Variants in FGFR2 observed in about 807,000 individuals in gnomAD.
The protein encoded by FGFR2 is fibroblast growth factor receptor 2.
Under a neutral mutation model 95.9 loss-of-function variants are expected in FGFR2, and 19 were observed. The observed-to-expected ratio is 0.20, with a 90% CI of 0.14 to 0.29. FGFR2 has a LOEUF of 0.29. Ranked by LOEUF, FGFR2 falls within the 10% of genes least tolerant of loss-of-function variation. FGFR2 has a pLI of 1.00. For synonymous variants in FGFR2, 392 were observed against 393.3 expected (o/e 1.00, Z 0.04); for missense variants, 707 against 1,056.9 (o/e 0.67, Z 4.59).
At chr10:121,535,596 C>G (rs549969609) in intron 6 of FGFR2, among the ~76,000 whole-genome samples, 1 of 152,280 alleles carries the variant, frequency 6.6e-6, no homozygotes, top group African/African-American at 2.4e-5. Flanking sequence ...CAATGATGAA[C>G]GATGGTGAAG....
chr10:121,579,377 T>C (rs1751196610), intron 2 of FGFR2, among the ~76,000 whole-genome samples: 1 of 152,170 alleles, frequency 6.6e-6, no homozygotes, highest in South Asian at 2.1e-4. Context: ...GATTGCTTTT[T>C]CCAACCATGT....
At chr10:121,487,563 A>G in intron 14 of FGFR2, 139 bp from the exon 15 acceptor site, 1 of 730,610 alleles carries the variant, frequency 1.4e-6, no homozygotes, top group Non-Finnish European at 2.4e-6. Flanking sequence ...AATCAGTCCC[A>G]ATGAGGACCA....
At chr10:121,495,340 C>T (rs979175527) in intron 13 of FGFR2, among the ~76,000 whole-genome samples, 2 of 152,030 alleles carry the variant, frequency 1.3e-5, no homozygotes, top group African/African-American at 4.8e-5. Flanking sequence ...AAAGGCAAAA[C>T]CCCGTCTCTA....
intron 2 of FGFR2, among the ~76,000 whole-genome samples, 155 bp downstream of exon 2, chr10:121,593,554 T>A (rs1417238064): frequency 6.6e-6 from 1 of 152,188 alleles, no homozygotes; most frequent in Non-Finnish European, 1.5e-5. Context: ...CCTTCTCTCA[T>A]CAGCTCTGCC....
At chr10:121,506,726 C>A (rs1863739) in intron 9 of FGFR2, among the ~76,000 whole-genome samples, 148,540 of 152,256 alleles carry the variant, frequency 0.98, 72,552 homozygotes, top group Middle Eastern at 1. Flanking sequence ...GGCACTTAAA[C>A]GTTTCTGGAA....
chr10:121,496,259 G>T (rs1321450058), intron 13 of FGFR2, among the ~76,000 whole-genome samples: 4 of 151,868 alleles, frequency 2.6e-5, no homozygotes, highest in Non-Finnish European at 4.4e-5. Flanking sequence ...CCCACCTGGA[G>T]AGCTGAATTC....
At chr10:121,555,109 C>T (rs1346903151) in intron 4 of FGFR2, among the ~76,000 whole-genome samples, 1 of 152,160 alleles carries the variant, frequency 6.6e-6, no homozygotes, top group East Asian at 1.9e-4. Context: ...CGCGGTGGCT[C>T]ACGCCTGTAA....
At chr10:121,597,895 C>G in intron 1 of FGFR2, 67 bp downstream of exon 1, 2 of 388,846 alleles carry the variant, frequency 5.1e-6, no homozygotes, top group Non-Finnish European at 9.1e-6. Context: ...ACCCGGCGTC[C>G]CGGGCTCCCG....
intron 2 of FGFR2, among the ~76,000 whole-genome samples, chr10:121,573,266 T>C (rs1859137788): frequency 6.6e-6 from 1 of 152,118 alleles, no homozygotes; most frequent in Non-Finnish European, 1.5e-5. Context: ...ATTTAAACTG[T>C]TAAGGAAGAA....
At chr10:121,498,354 C>T in intron 12 of FGFR2, 141 bp downstream of exon 12, 2 of 703,192 alleles carry the variant, frequency 2.8e-6, no homozygotes, top group East Asian at 5.4e-5. Context: ...CTAGGAACAT[C>T]TTCCAATGGG....
At chr10:121,488,358 C>T (rs1162049462) in intron 13 of FGFR2, among the ~76,000 whole-genome samples, 4 of 151,874 alleles carry the variant, frequency 2.6e-5, no homozygotes, top group East Asian at 1.9e-4. Context: ...CTGGCCAACA[C>T]GGCAAAATCC....
In FGFR2 at chr10:121,593,892, G is replaced by C. The variant is rs41287990; in HGVS notation, c.-75C>G. 2.2e-6 allele frequency: 3 copies of C among 1,373,620 alleles called. No individual in the cohort carries two copies. Among genetic ancestry groups the C allele is most frequent in the South Asian group, 1.2e-5 (1 of 86,002 alleles). 85.1% of individuals were successfully genotyped at this position (1,373,620 alleles called of 1,614,324 possible). On this transcript the variant is annotated 5_prime_UTR_variant, in exon 2 of 18. Coordinates refer to ENST00000358487, the MANE Select transcript of FGFR2 (RefSeq NM_000141.5). Reference sequence around the variant, plus strand: ...AATCCCATCTGCACACTTCCTCTACGGGCATGGACTACGCGCAATGCCTTC... The same window carrying C: ...AATCCCATCTGCACACTTCCTCTACCGGCATGGACTACGCGCAATGCCTTC...
At chr10:121,550,713 G>C (rs1855266764) in intron 5 of FGFR2, among the ~76,000 whole-genome samples, 1 of 152,056 alleles carries the variant, frequency 6.6e-6, no homozygotes, top group South Asian at 2.1e-4. Context: ...AAAGCATATA[G>C]AAAACAGACT....
intron 2 of FGFR2, among the ~76,000 whole-genome samples, chr10:121,589,253 C>G (rs1271000163): frequency 6.6e-6 from 1 of 152,158 alleles, no homozygotes; most frequent in African/African-American, 2.4e-5. Context: ...GAGTTTTTAA[C>G]AATTACCCTG....
At chr10:121,555,410 C>T (rs781372729) in intron 4 of FGFR2, among the ~76,000 whole-genome samples, 1 of 151,342 alleles carries the variant, frequency 6.6e-6, no homozygotes, top group Non-Finnish European at 1.5e-5. Flanking sequence ...TCAAATGAAT[C>T]TGCAAGCTAA....
At chr10:121,557,404 GC>G (rs1287128643) in intron 4 of FGFR2, among the ~76,000 whole-genome samples, 3 of 152,130 alleles carry the variant, frequency 2.0e-5, no homozygotes, top group African/African-American at 7.2e-5. Flanking sequence ...GACCTCCTGG[GC>G]TCAGGTGATC....
At chr10:121,481,832 TTATTTTTA>T (rs1185429444) in intron 17 of FGFR2, 9 of 189,576 alleles carry the variant, frequency 4.7e-5, no homozygotes, top group East Asian at 1.1e-4. Context: ...TCTTTCTTTT[TTATTTTTA>T]TTTTTTTTTT....
intron 15 of FGFR2, among the ~76,000 whole-genome samples, chr10:121,486,788 C>T (rs1402463756): frequency 1.3e-5 from 2 of 152,170 alleles, no homozygotes; most frequent in Non-Finnish European, 2.9e-5. Context: ...GAGCCTGACC[C>T]CACTGGTTTT....
chr10:121,562,646 C>T (rs1356474048), intron 4 of FGFR2, among the ~76,000 whole-genome samples: 1 of 152,084 alleles, frequency 6.6e-6, no homozygotes, highest in Non-Finnish European at 1.5e-5. Flanking sequence ...CAATGGAATA[C>T]TCAGTGCTAC....
Sources: allele counts gnomAD v4.1 joint callset (sites outside exome capture counted in the v4.1 genomes callset), GRCh38; gene constraint gnomAD v4.1.1; transcripts MANE v1.5; gene names NCBI Gene and HGNC (gene_info 2026-07-23, HGNC 2026-07-21).